The following SLC67A2 variants were observed in gnomAD, a reference collection of about 807,000 sequenced individuals.
SLC67A2 encodes solute carrier family 67 member 2.
chr2:102,718,523 G>A, the SLC67A2 span: 1 of 1,613,506 alleles, frequency 6.2e-7, no homozygotes, highest in Non-Finnish European at 8.5e-7. Context: ...CAGGCTGGGG[G>A]GGCCGCAAGG....
At chr2:102,732,620 CAAG>C in the SLC67A2 span, among the ~76,000 whole-genome samples, 1 of 152,134 alleles carries the variant, frequency 6.6e-6, no homozygotes, top group Non-Finnish European at 1.5e-5. Flanking sequence ...ACTTTACACT[CAAG>C]GAGGATATGC....
the SLC67A2 span, chr2:102,718,904 A>C: frequency 6.2e-7 from 1 of 1,614,198 alleles, no homozygotes; most frequent in Middle Eastern, 1.6e-4. Flanking sequence ...CCGCACCCCA[A>C]AGCGCTCCTC....
the SLC67A2 span, among the ~76,000 whole-genome samples, chr2:102,730,495 G>A: frequency 1.3e-5 from 2 of 151,904 alleles, no homozygotes; most frequent in African/African-American, 4.8e-5. Flanking sequence ...AATATAAATG[G>A]ATTTGATTAC....
the SLC67A2 span, among the ~76,000 whole-genome samples, chr2:102,732,634 T>C: frequency 6.6e-6 from 1 of 152,330 alleles, no homozygotes; most frequent in East Asian, 1.9e-4. Context: ...GAGGATATGC[T>C]ACAGAAGTTC....
chr2:102,734,369 G>A, the SLC67A2 span, among the ~76,000 whole-genome samples: 157 of 152,110 alleles, frequency 1.0e-3, 1 homozygote, highest in African/African-American at 3.4e-3. Context: ...TAAACAAAAC[G>A]GGCCTCAAGG....
chr2:102,718,695 G>T, the SLC67A2 span: 1 of 1,614,012 alleles, frequency 6.2e-7, no homozygotes, highest in Non-Finnish European at 8.5e-7. Flanking sequence ...GAGAAGGACA[G>T]GAGAGTGGAG....
the SLC67A2 span, among the ~76,000 whole-genome samples, chr2:102,736,181 G>GA: frequency 2.0e-5 from 3 of 152,140 alleles, no homozygotes; most frequent in African/African-American, 7.2e-5. Flanking sequence ...GAATCCTAGT[G>GA]AAAATGTGCC....
the SLC67A2 span, chr2:102,731,061 G>T: frequency 1.2e-6 from 2 of 1,613,696 alleles, no homozygotes; most frequent in Non-Finnish European, 1.7e-6. Context: ...AAATGCCATA[G>T]GAGGAGCCTG....
chr2:102,718,442 T>C, the SLC67A2 span: 17 of 1,614,024 alleles, frequency 1.1e-5, no homozygotes, highest in Non-Finnish European at 1.4e-5. Context: ...TAATTTACTA[T>C]TCCCATCACC....
chr2:102,726,973 C>T, the SLC67A2 span: 1 of 1,612,468 alleles, frequency 6.2e-7, no homozygotes, highest in East Asian at 2.2e-5. Context: ...GCTCCAGCAG[C>T]CCTGAGGAAA....
the SLC67A2 span, among the ~76,000 whole-genome samples, chr2:102,722,201 G>A: frequency 2.0e-5 from 3 of 152,380 alleles, no homozygotes; most frequent in South Asian, 6.2e-4. Context: ...TAAGGAAGCA[G>A]ATATTTCAGT....
chr2:102,716,565 G>A, the SLC67A2 span: 1 of 152,084 alleles, frequency 6.6e-6, no homozygotes, highest in Admixed American at 6.5e-5. Context: ...ATAGGAAAAA[G>A]GACAATCTTC....
the SLC67A2 span, among the ~76,000 whole-genome samples, chr2:102,715,218 C>T: frequency 0.015 from 2,302 of 152,250 alleles, 61 homozygotes; most frequent in African/African-American, 0.053. Context: ...AGTGTCTTCA[C>T]AGCACTTTAC....
chr2:102,730,193 C>T, the SLC67A2 span, among the ~76,000 whole-genome samples: 3 of 152,156 alleles, frequency 2.0e-5, no homozygotes, highest in Non-Finnish European at 4.4e-5. Context: ...CTGACAAGGT[C>T]GCCACTGAAT....
chr2:102,736,774 G>A, the SLC67A2 span: 1 of 1,613,446 alleles, frequency 6.2e-7, no homozygotes, highest in African/African-American at 1.3e-5. Flanking sequence ...ACCAGCCTCG[G>A]GGCCGAGTTC....
At chr2:102,736,491 A>T in the SLC67A2 span, 6 of 1,517,366 alleles carry the variant, frequency 4.0e-6, no homozygotes, top group African/African-American at 8.4e-5. Context: ...AGTGGGTGAT[A>T]GGGCAAGAGG....
At chr2:102,719,688 C>A in the SLC67A2 span, among the ~76,000 whole-genome samples, 1 of 152,178 alleles carries the variant, frequency 6.6e-6, no homozygotes, top group African/African-American at 2.4e-5. Context: ...TCTGAAAACA[C>A]TGTACTCAAG....
chr2:102,718,806 T>C, the SLC67A2 span: 1 of 1,613,802 alleles, frequency 6.2e-7, no homozygotes, highest in Non-Finnish European at 8.5e-7. Flanking sequence ...GAGTTGTGCT[T>C]GTACAGCCGT....
the SLC67A2 span, among the ~76,000 whole-genome samples, chr2:102,726,600 A>ACACACAT: frequency 5.2e-3 from 788 of 152,158 alleles, 9 homozygotes; most frequent in African/African-American, 0.018. Context: ...ATATAGACAT[A>ACACACAT]GACACACACA....
Sources: gnomAD v4.1 joint callset for allele counts (sites outside exome capture counted in the v4.1 genomes callset) on GRCh38, gnomAD v4.1.1 for gene constraint, MANE v1.5 for transcripts, NCBI Gene and HGNC (gene_info 2026-07-23, HGNC 2026-07-21) for gene names.